Variants in USP7 observed in about 807,000 individuals in gnomAD.
USP7 encodes the protein ubiquitin C-terminal hydrolase 7.
Under a neutral mutation model 162.9 loss-of-function variants are expected in USP7, and 9 were observed. The ratio of observed to expected loss-of-function variants is 0.06; its 90% confidence interval spans 0.03 to 0.10. The LOEUF (loss-of-function observed/expected upper bound fraction) is 0.10, where lower values mean the gene tolerates loss of function less well. Among genes scored for constraint, USP7 ranks in the 10% least tolerant of loss-of-function variants. The pLI is 1.00. For missense variants in USP7, 715 were observed against 1,373.7 expected (o/e 0.52, Z 7.58); for synonymous variants, 562 against 475.9 (o/e 1.18, Z -2.35).
chr16:8,908,479 A>C, intron 11 of USP7, 29 bp from the exon 12 acceptor site: 9 of 1,580,784 alleles, frequency 5.7e-6, no homozygotes, highest in Non-Finnish European at 6.9e-6. Context: ...ATGCAAATGT[A>C]GTTAGCCTCT....
At chr16:8,934,914 G>T (rs770031572) in intron 1 of USP7, among the ~76,000 whole-genome samples, 1 of 152,210 alleles carries the variant, frequency 6.6e-6, no homozygotes, top group African/African-American at 2.4e-5. Context: ...AGTTAGTTCC[G>T]CAAGAGGATT....
Position 8,905,882 on chromosome 16 carries a change from A to C in USP7, c.1428+544T>G, listed in dbSNP as rs116542245. ...AGTGATGAACGCTGCTGTTACACGC[A>C]CTCTTCACTGTTCTCTCGTGCTGTC... On this transcript the variant is annotated intron_variant, in intron 13 of 30. Coordinates refer to ENST00000344836, the MANE Select transcript of USP7 (RefSeq NM_003470.3). Among the ~76,000 whole-genome samples the C allele has an allele frequency of 4.6e-3, 696 of 152,200 alleles. 5 individuals are homozygous for C. Among genetic ancestry groups the C allele is most frequent in the African/African-American group, 0.015 (627 of 41,504 alleles).
Position 8,915,257 on chromosome 16 carries a change from T to C in USP7, c.1075A>G (p.Asn359Asp). The C allele has an allele frequency of 6.2e-7, 1 of 1,602,494 alleles. No homozygotes were observed. Among genetic ancestry groups the C allele is most frequent in the Non-Finnish European group, 8.5e-7 (1 of 1,176,038 alleles). Residue 359 changes from asparagine to aspartate, a missense_variant, in exon 10 of 31, where the codon AAT (asparagine) becomes GAT (aspartate). Physicochemically the swap from Asn to Asp is conservative, Grantham distance 23. This residue lies in a region of USP7 where 21 missense variants were observed against 23.8 expected (regional missense o/e 0.88). Coordinates refer to ENST00000344836, the MANE Select transcript of USP7 (RefSeq NM_003470.3). ...DIQLSIKGKK[N>D]IFESFVDYVA... ...ATTAGATACACACAACACTTACTAT[T>C]TTTCTTTCCTTTGATACTTAGCTGG...
At chr16:8,914,074 T>C (rs2061992699) in intron 10 of USP7, among the ~76,000 whole-genome samples, 2 of 152,176 alleles carry the variant, frequency 1.3e-5, no homozygotes, top group South Asian at 4.1e-4. Context: ...AAGGAATGAC[T>C]ATAAATCAGT....
intron 28 of USP7, 29 bp from the exon 29 acceptor site, chr16:8,894,884 C>G: frequency 1.2e-6 from 2 of 1,614,158 alleles, no homozygotes; most frequent in Non-Finnish European, 1.7e-6. Context: ...TGTGCTCACA[C>G]AGTCACTCCC....
chr16:8,954,813 T>C (rs1221781694), intron 1 of USP7, among the ~76,000 whole-genome samples: 1 of 151,858 alleles, frequency 6.6e-6, no homozygotes, highest in Non-Finnish European at 1.5e-5. Context: ...ACAAAAAAAT[T>C]AGCCGGTGCG....
intron 1 of USP7, among the ~76,000 whole-genome samples, chr16:8,944,705 T>C (rs568603280): frequency 6.5e-4 from 99 of 152,332 alleles, no homozygotes; most frequent in African/African-American, 2.1e-3. Flanking sequence ...CAGACCACCA[T>C]TCAGGTTTTA....
chr16:8,946,773 C>A (rs952903428), intron 1 of USP7, among the ~76,000 whole-genome samples: 1 of 152,242 alleles, frequency 6.6e-6, no homozygotes, highest in African/African-American at 2.4e-5. Context: ...TCTGCCAGCA[C>A]GCAGAAGGCT....
At position 8,940,293 on chromosome 16, in the gene USP7, G is replaced by A. The variant is rs146121535; in HGVS notation, c.80-9896C>T. Among the ~76,000 whole-genome samples the A allele has an allele frequency of 2.8e-3, 432 of 152,290 alleles. 3 individuals carry two copies. Among genetic ancestry groups the A allele is most frequent in the African/African-American group, 9.8e-3 (408 of 41,560 alleles). On this transcript the variant is annotated intron_variant, in intron 1 of 30. Transcript: ENST00000344836. ...CTCTGCAAGTAGCTAACCATGCTTT[G>A]TCCAATGGCAAATGTCAACACTGTT... is the stretch of plus-strand genomic sequence containing the variant.
intron 7 of USP7, 21 bp from the exon 8 acceptor site, chr16:8,916,577 A>C: frequency 6.9e-7 from 1 of 1,457,006 alleles, no homozygotes; most frequent in East Asian, 2.5e-5. Flanking sequence ...TAAAACAAAC[A>C]ACTCCATTTA....
At chr16:8,894,214 C>A in intron 30 of USP7, 110 bp from the exon 31 acceptor site, 1 of 1,030,122 alleles carries the variant, frequency 9.7e-7, no homozygotes, top group South Asian at 1.3e-5. Context: ...GGGGTAAGTT[C>A]GCAGGGAAGC....
chr16:8,913,975 C>G lies in USP7; in HGVS notation c.1078+1279G>C, dbSNP rs138182723. Among the ~76,000 whole-genome samples, 415 of 152,036 alleles carry G rather than the reference C, an allele frequency of 2.7e-3. 9 individuals carry two copies. Among genetic ancestry groups the G allele is most frequent in the African/African-American group, 9.3e-3 (385 of 41,356 alleles). On this transcript the variant is annotated intron_variant, in intron 10 of 30. Transcript: ENST00000344836. ...CTGGCCTCAAACTCCTGGGTTCAAGCAATCCTCCCGACTCAGCCTCCCAAA... is the reference window on the plus strand; with the variant it reads ...CTGGCCTCAAACTCCTGGGTTCAAGGAATCCTCCCGACTCAGCCTCCCAAA...
chr16:8,954,314 T>C (rs1219928926), intron 1 of USP7, among the ~76,000 whole-genome samples: 1 of 152,206 alleles, frequency 6.6e-6, no homozygotes, highest in Admixed American at 6.5e-5. Context: ...GAAATGGAGA[T>C]TGAGCCTTAG....
At chr16:8,897,696 T>A (rs1413123545) in intron 25 of USP7, among the ~76,000 whole-genome samples, 2 of 11,304 alleles carry the variant, frequency 1.8e-4, no homozygotes, top group Admixed American at 2.1e-3. Flanking sequence ...ACCCTGTCTC[T>A]ACAAAAAAAA....
chr16:8,963,228 G>C lies in USP7; in HGVS notation c.58C>G (p.Pro20Ala). 7.1e-7 allele frequency: 1 copy of C among 1,409,334 alleles called. No homozygotes were observed. Among genetic ancestry groups the C allele is most frequent in the South Asian group, 1.3e-5 (1 of 75,910 alleles). 87.3% of individuals were successfully genotyped at this position (1,409,334 alleles called of 1,614,324 possible). Residue 20 changes from proline (P) to alanine (A), a missense_variant, in exon 1 of 31, where the codon CCC becomes GCC. By Grantham distance (27) the Pro-to-Ala change is conservative. This residue lies in a region of USP7 where 137 missense variants were observed against 123.5 expected (regional missense o/e 1.11). Coordinates refer to ENST00000344836, the MANE Select transcript of USP7 (RefSeq NM_003470.3). ...QKAGEQQLSE[P>A]EDMEMEAGDT... ...TCACCTTCCATCTCCATGTCCTCGG[G>C]CTCGCTCAACTGCTGCTCGCCCGCT...
At chr16:8,919,206 G>A in intron 5 of USP7, 67 bp from the exon 6 acceptor site, 3 of 1,518,972 alleles carry the variant, frequency 2.0e-6, no homozygotes, top group South Asian at 1.1e-5. Flanking sequence ...TGTGTGTGAA[G>A]CAATCTGACT....
intron 1 of USP7, among the ~76,000 whole-genome samples, chr16:8,937,437 G>C (rs1387142081): frequency 4.6e-5 from 7 of 152,214 alleles, no homozygotes; most frequent in Admixed American, 3.9e-4. Flanking sequence ...AGCTACTCAG[G>C]AGGCTGAGGC....
chr16:8,930,203 G>T, intron 2 of USP7, 90 bp downstream of exon 2: 2 of 975,284 alleles, frequency 2.1e-6, no homozygotes, highest in South Asian at 1.7e-5. Flanking sequence ...AAGTACCCAA[G>T]GATGTACCCA....
intron 1 of USP7, chr16:8,936,681 C>T: frequency 6.6e-7 from 1 of 1,522,828 alleles, no homozygotes; most frequent in Non-Finnish European, 8.8e-7. Context: ...ATCAGAGTGA[C>T]TGCATAGAAT....
Sources: gnomAD v4.1 joint callset for allele counts (sites outside exome capture counted in the v4.1 genomes callset) on GRCh38, gnomAD v4.1.1 for gene constraint, gnomAD v4.1.1 regional missense constraint, MANE v1.5 for transcripts, NCBI Gene and HGNC (gene_info 2026-07-23, HGNC 2026-07-21) for gene names.